The following ADK variants were observed in gnomAD, a reference collection of about 807,000 sequenced individuals.
ADK encodes N6,N6-dimethyladenosine kinase.
ADK carries 24 observed loss-of-function variants against 44.7 expected under a neutral mutation model. The observed-to-expected ratio is 0.54, with a 90% CI of 0.39 to 0.76. The LOEUF (loss-of-function observed/expected upper bound fraction) is 0.76. Among genes scored for constraint, ADK ranks in the 30% least tolerant of loss-of-function variants. The pLI is 0.00. For missense variants in ADK, 321 were observed against 425.1 expected (o/e 0.76, Z 2.15); for synonymous variants, 128 against 142.6 (o/e 0.90, Z 0.73).
chr10:74,286,271 C>G (rs1847158386), intron 3 of ADK, among the ~76,000 whole-genome samples: 2 of 152,174 alleles, frequency 1.3e-5, no homozygotes, highest in South Asian at 4.1e-4. Flanking sequence ...AGACTGGTCT[C>G]AAACTCCTGG....
intron 6 of ADK, among the ~76,000 whole-genome samples, chr10:74,445,561 G>A (rs1845563522): frequency 6.6e-6 from 1 of 151,906 alleles, no homozygotes; most frequent in Non-Finnish European, 1.5e-5. Flanking sequence ...AAATGTAAAA[G>A]AAGCTACTTG....
chr10:74,258,723 G>A (rs1845918473), intron 3 of ADK, among the ~76,000 whole-genome samples: 1 of 152,076 alleles, frequency 6.6e-6, no homozygotes, highest in Non-Finnish European at 1.5e-5. Flanking sequence ...TAAAAATGAA[G>A]GAATGTAGCT....
intron 4 of ADK, among the ~76,000 whole-genome samples, chr10:74,373,800 G>GGT (rs1294920722): frequency 6.6e-6 from 1 of 152,018 alleles, no homozygotes; most frequent in African/African-American, 2.4e-5. Flanking sequence ...TCTGCTCCTA[G>GGT]GTATATACAC....
chr10:74,234,816 A>G (rs983812687), intron 3 of ADK, among the ~76,000 whole-genome samples: 1 of 152,182 alleles, frequency 6.6e-6, no homozygotes, highest in Admixed American at 6.5e-5. Flanking sequence ...ATAATTTAGA[A>G]AAGTGATCTA....
At chr10:74,391,469 T>A (rs1843325271) in intron 4 of ADK, among the ~76,000 whole-genome samples, 1 of 152,036 alleles carries the variant, frequency 6.6e-6, no homozygotes, top group South Asian at 2.1e-4. Context: ...ATTCTTTCTG[T>A]GTTTCTTTTT....
chr10:74,599,931 T>G (rs185291852), intron 8 of ADK, among the ~76,000 whole-genome samples: 190 of 152,274 alleles, frequency 1.2e-3, no homozygotes, highest in Non-Finnish European at 1.1e-3. Context: ...TTTTCCTCTT[T>G]ATAAAAACCT....
chr10:74,457,239 G>A (rs944627451), intron 6 of ADK, among the ~76,000 whole-genome samples: 1 of 152,126 alleles, frequency 6.6e-6, no homozygotes, highest in African/African-American at 2.4e-5. Flanking sequence ...AGAAGAAATG[G>A]ATACATTGCT....
intron 7 of ADK, among the ~76,000 whole-genome samples, chr10:74,565,846 TA>T (rs1850647545): frequency 6.6e-6 from 1 of 151,560 alleles, no homozygotes; most frequent in Non-Finnish European, 1.5e-5. Flanking sequence ...TAAGATGGAA[TA>T]AAAATTAAAA....
At chr10:74,653,681 T>G (rs116257759) in intron 9 of ADK, among the ~76,000 whole-genome samples, 1 of 152,186 alleles carries the variant, frequency 6.6e-6, no homozygotes, top group African/African-American at 2.4e-5. Flanking sequence ...GCAAATGACT[T>G]AATAAAGAAA....
At chr10:74,632,594 T>C (rs1257041147) in intron 9 of ADK, among the ~76,000 whole-genome samples, 1 of 152,170 alleles carries the variant, frequency 6.6e-6, no homozygotes, top group Non-Finnish European at 1.5e-5. Flanking sequence ...CTTCCCTGTG[T>C]ATATCTTTCT....
At chr10:74,222,407 TTGG>T (rs1385665285) in intron 2 of ADK, among the ~76,000 whole-genome samples, 1 of 151,388 alleles carries the variant, frequency 6.6e-6, no homozygotes, top group Admixed American at 6.6e-5. Context: ...TTTTACACTG[TTGG>T]TGGGACTGTA....
At chr10:74,176,749 G>C in intron 1 of ADK, 1 of 1,541,744 alleles carries the variant, frequency 6.5e-7, no homozygotes. Flanking sequence ...CGGGGTGTGT[G>C]AGGACGCGCT....
At chr10:74,439,333 C>T (rs1180179890) in intron 6 of ADK, among the ~76,000 whole-genome samples, 1 of 89,446 alleles carries the variant, frequency 1.1e-5, no homozygotes, top group Non-Finnish European at 3.4e-5. Context: ...TTTCTTTTTC[C>T]TTCCCTGTCT....
chr10:74,197,572 C>A lies in ADK; in HGVS notation c.66-3192C>A, dbSNP rs993668401. 1.3e-5 allele frequency among the ~76,000 whole-genome samples: 2 copies of A among 151,972 alleles called. 1 individual carries two copies. Among genetic ancestry groups the A allele is most frequent in the African/African-American group, 4.8e-5 (2 of 41,370 alleles). On this transcript the variant is annotated intron_variant, in intron 1 of 10. Transcript: ENST00000539909. The stretch of plus-strand genomic sequence containing the variant: ...AAAATTAGCCAGGCGTGGTGGTGGG[C>A]ACCTGTAATCCCAGCTACTCAGCAG...
rs530297852 is a variant in ADK at position 74,363,065 on chromosome 10, T to C, written c.274-31076T>C. Among the ~76,000 whole-genome samples, 5 of 152,334 alleles carry C rather than the reference T, an allele frequency of 3.3e-5. No homozygotes were observed. In the East Asian group the frequency reaches 9.7e-4, roughly 29 times the overall value. ...AAAGGAGGCTGATTGGCTCACCTCATTGGCTCAGATTAGCATGCATCACCC... is the reference window on the plus strand; with the variant it reads ...AAAGGAGGCTGATTGGCTCACCTCACTGGCTCAGATTAGCATGCATCACCC... On this transcript the variant is annotated intron_variant, in intron 4 of 10. Coordinates refer to ENST00000539909, the MANE Select transcript of ADK (RefSeq NM_006721.4).
In ADK at chr10:74,493,509, T is replaced by TATATAG. The variant is rs546832501; in HGVS notation, c.556-31725_556-31720dup. On this transcript the variant is annotated intron_variant, in intron 6 of 10. Coordinates refer to ENST00000539909, the MANE Select transcript of ADK (RefSeq NM_006721.4). ...ATATAGATATAGAGAGAGATATAGA[T>TATATAG]ATATAGATATAGATATAGATATAGA... 5.7e-3 allele frequency among the ~76,000 whole-genome samples: 860 copies of TATATAG among 151,336 alleles called. 4 individuals carry two copies. Among genetic ancestry groups the TATATAG allele is most frequent in the African/African-American group, 0.017 (688 of 41,198 alleles).
intron 6 of ADK, among the ~76,000 whole-genome samples, chr10:74,427,727 A>ATGTG (rs35949478): frequency 0.037 from 5,476 of 148,474 alleles, 114 homozygotes; most frequent in East Asian, 0.044. Flanking sequence ...ATGTATATGT[A>ATGTG]TGTGTGTGTG....
chr10:74,349,264 A>G (rs141767588), intron 4 of ADK, among the ~76,000 whole-genome samples: 4,820 of 152,332 alleles, frequency 0.032, 283 homozygotes, highest in African/African-American at 0.11. Flanking sequence ...ATTATTCAAC[A>G]TTCTTAAAGA....
chr10:74,621,500 G>A (rs1589305595), intron 9 of ADK, among the ~76,000 whole-genome samples: 1 of 152,122 alleles, frequency 6.6e-6, no homozygotes, highest in Middle Eastern at 3.4e-3. Context: ...AAGTCTGATA[G>A]TATGATACCT....
Sources: allele counts gnomAD v4.1 joint callset (sites outside exome capture counted in the v4.1 genomes callset), GRCh38; gene constraint gnomAD v4.1.1; transcripts MANE v1.5; gene names NCBI Gene and HGNC (gene_info 2026-07-23, HGNC 2026-07-21).